The following REPS2 variants were observed in gnomAD, a reference collection of about 807,000 sequenced individuals.
REPS2 encodes the protein ralBP1-associated Eps domain-containing protein 2.
Under a neutral mutation model 53.6 loss-of-function variants are expected in REPS2, and 23 were observed. That is an observed-to-expected ratio of 0.43 (90% CI 0.31 to 0.61). REPS2 has a LOEUF of 0.61. Ranked by LOEUF, REPS2 falls within the 20% of genes least tolerant of loss-of-function variation. REPS2 has a pLI of 0.11. For synonymous variants in REPS2, 238 were observed against 218.6 expected (o/e 1.09, Z -0.78); for missense variants, 446 against 534.9 (o/e 0.83, Z 1.64).
At chrX:17,075,072 A>G (rs1454981033) in intron 12 of REPS2, among the ~76,000 whole-genome samples, 1 of 112,017 alleles carries the variant, frequency 8.9e-6, no homozygotes, top group Non-Finnish European at 1.9e-5. Context: ...TTTATGTAAG[A>G]TACAGATATC....
intron 1 of REPS2, among the ~76,000 whole-genome samples, chrX:16,974,489 T>TACAAAAA (rs1459028287): frequency 1.8e-5 from 2 of 109,775 alleles, no homozygotes; most frequent in African/African-American, 6.6e-5. Flanking sequence ...CTACTAAAAA[T>TACAAAAA]ACAAAAAACA....
the REPS2 span, among the ~76,000 whole-genome samples, chrX:17,162,867 A>C: frequency 8.9e-6 from 1 of 112,277 alleles, no homozygotes; most frequent in Non-Finnish European, 1.9e-5. Context: ...AAACAGCAAC[A>C]ACAACAAACC....
At chrX:17,156,167 G>A (rs746762453), downstream of REPS2, among the ~76,000 whole-genome samples, 1 of 111,619 alleles carries the variant, frequency 9.0e-6, no homozygotes, top group East Asian at 2.8e-4. Context: ...CAGACTCTGA[G>A]TGGTGTTTAC....
chrX:17,128,411 G>A (rs958567638), intron 14 of REPS2, among the ~76,000 whole-genome samples: 1 of 110,080 alleles, frequency 9.1e-6, no homozygotes, highest in African/African-American at 3.3e-5. Context: ...TGGAGGTGGG[G>A]GTGGGAGGTA....
At chrX:17,094,459 TA>T (rs1205419615) in intron 13 of REPS2, among the ~76,000 whole-genome samples, 2 of 112,210 alleles carry the variant, frequency 1.8e-5, no homozygotes, top group Non-Finnish European at 3.8e-5. Flanking sequence ...TTGTCCTGGA[TA>T]TTCAGTGAGT....
chrX:16,977,765 G>A (rs1325775359), intron 1 of REPS2, among the ~76,000 whole-genome samples: 1 of 108,984 alleles, frequency 9.2e-6, no homozygotes, highest in Non-Finnish European at 1.9e-5. Context: ...TGCCTCTTTC[G>A]GTTATATCCT....
At chrX:17,073,275 C>G (rs2147983125) in intron 11 of REPS2, among the ~76,000 whole-genome samples, 1 of 112,408 alleles carries the variant, frequency 8.9e-6, no homozygotes, top group South Asian at 3.7e-4. Flanking sequence ...AGCACCTTTT[C>G]TATGATTTTT....
intron 1 of REPS2, among the ~76,000 whole-genome samples, chrX:16,994,337 A>G (rs2061199785): frequency 9.5e-6 from 1 of 105,262 alleles, no homozygotes; most frequent in African/African-American, 3.5e-5. Context: ...GTGTATGTAT[A>G]TGTGTGTATA....
intron 12 of REPS2, 84 bp downstream of exon 12, chrX:17,074,243 C>T: frequency 1.1e-6 from 1 of 871,575 alleles, no homozygotes; most frequent in South Asian, 2.2e-5. Flanking sequence ...AAACCCAACC[C>T]ATGATTTCCT....
Position 17,125,314 on chromosome X carries a change from T to C in REPS2, c.1579-8510T>C, listed in dbSNP as rs1170719322. Among the ~76,000 whole-genome samples, 8 of 111,512 alleles carry C rather than the reference T, an allele frequency of 7.2e-5. No individual in the cohort carries two copies. The East Asian group carries it at 1.4e-3, about 20-fold the overall frequency. Reference sequence around the variant, plus strand: ...TATGATGAATGGATGAGAAAACAATTAAGAAGCCTAGTTAGTTTTGCAAGA... The same window carrying C: ...TATGATGAATGGATGAGAAAACAATCAAGAAGCCTAGTTAGTTTTGCAAGA... On this transcript the variant is annotated intron_variant, in intron 14 of 17. Transcript: ENST00000357277.
chrX:17,134,789 A>AT (rs1179450113), intron 15 of REPS2, among the ~76,000 whole-genome samples: 2 of 109,800 alleles, frequency 1.8e-5, no homozygotes, highest in African/African-American at 6.6e-5. Context: ...AGGCCGGCTA[A>AT]TTTTTTGTAT....
chrX:17,167,598 C>T, the REPS2 span, among the ~76,000 whole-genome samples: 1 of 106,757 alleles, frequency 9.4e-6, no homozygotes, highest in Non-Finnish European at 1.9e-5. Context: ...ATTCTCAAGA[C>T]TGGGGGGAGC....
chrX:16,968,502 G>A lies in REPS2; in HGVS notation c.273+21368G>A, dbSNP rs1193701119. On this transcript the variant is annotated intron_variant, in intron 1 of 17. Transcript: ENST00000357277. ...CCCCCACCTCCCTCCCGGACGGGGCGGCTGGCCGGGCGGGGGGCTGACCCC... is the reference window on the plus strand; with the variant it reads ...CCCCCACCTCCCTCCCGGACGGGGCAGCTGGCCGGGCGGGGGGCTGACCCC... Among the ~76,000 whole-genome samples the A allele has an allele frequency of 1.1e-4, 12 of 105,662 alleles. No individual in the cohort carries two copies. In the East Asian group the frequency reaches 1.2e-3, roughly 11 times the overall value. The allele number at this position is 105,662 out of a possible 115,157, so 91.8% of individuals were successfully genotyped here. A position where few individuals can be genotyped will look rare whatever the true frequency, so the allele number is the denominator to read the frequency against.
chrX:16,968,629 G>A (rs1379063716), intron 1 of REPS2, among the ~76,000 whole-genome samples: 123 of 103,354 alleles, frequency 1.2e-3, no homozygotes, highest in African/African-American at 3.5e-3. Flanking sequence ...TGGATGGGGC[G>A]GCTGGCCGGG....
intron 14 of REPS2, among the ~76,000 whole-genome samples, chrX:17,111,999 C>T (rs775066817): frequency 2.7e-5 from 3 of 109,899 alleles, no homozygotes; most frequent in African/African-American, 6.6e-5. Flanking sequence ...GACAGGGTCT[C>T]GCTCTGTTGT....
At chrX:16,960,511 A>G (rs1333915229) in intron 1 of REPS2, among the ~76,000 whole-genome samples, 1 of 112,761 alleles carries the variant, frequency 8.9e-6, no homozygotes, top group African/African-American at 3.2e-5. Context: ...AAGACCATTT[A>G]TGTAGAGTCC....
chrX:17,054,117 G>T (rs190745758), intron 7 of REPS2, among the ~76,000 whole-genome samples: 3 of 112,072 alleles, frequency 2.7e-5, no homozygotes, highest in African/African-American at 9.7e-5. Context: ...GTGCCTTTTA[G>T]TGGGAAATAA....
At chrX:17,065,610 C>T (rs770881026) in intron 9 of REPS2, among the ~76,000 whole-genome samples, 123 of 111,280 alleles carry the variant, frequency 1.1e-3, no homozygotes, top group African/African-American at 3.8e-3. Flanking sequence ...TTTTTTGAGA[C>T]GGAATCTCGC....
At chrX:17,110,536 A>C (rs763088360) in intron 14 of REPS2, among the ~76,000 whole-genome samples, 27 of 105,394 alleles carry the variant, frequency 2.6e-4, no homozygotes, top group African/African-American at 8.3e-4. Context: ...AAAAAAAAAA[A>C]CAAAAATTAG....
Sources: gnomAD v4.1 joint callset for allele counts (sites outside exome capture counted in the v4.1 genomes callset) on GRCh38, gnomAD v4.1.1 for gene constraint, MANE v1.5 for transcripts, NCBI Gene and HGNC (gene_info 2026-07-23, HGNC 2026-07-21) for gene names.